CDKL5: variants seen among roughly 807,000 people sequenced by gnomAD.
CDKL5 encodes the protein cyclin dependent kinase like 5, also known as cyclin-dependent kinase-like 5.
Under a neutral mutation model 61.7 loss-of-function variants are expected in CDKL5, and 8 were observed. The ratio of observed to expected loss-of-function variants is 0.13; its 90% CI spans 0.08 to 0.23. CDKL5 has a LOEUF of 0.23. Ranked by LOEUF, CDKL5 falls within the 10% of genes least tolerant of loss-of-function variation. CDKL5 has a pLI of 1.00. For missense variants in CDKL5, 440 were observed against 734.5 expected (o/e 0.60, Z 4.63); for synonymous variants, 275 against 272.3 (o/e 1.01, Z -0.10).
chrX:18,555,217 C>T (rs1924555823), intron 3 of CDKL5, among the ~76,000 whole-genome samples: 1 of 110,610 alleles, frequency 9.0e-6, no homozygotes, highest in Non-Finnish European at 1.9e-5. Flanking sequence ...CAGTAGCGCC[C>T]CCAGCCTATG....
chrX:18,544,209 C>T (rs1463350671), intron 3 of CDKL5, among the ~76,000 whole-genome samples: 2 of 111,873 alleles, frequency 1.8e-5, no homozygotes, highest in Non-Finnish European at 3.8e-5. Flanking sequence ...AGCTCTACTG[C>T]CTTTGTGAGT....
intron 1 of CDKL5, among the ~76,000 whole-genome samples, chrX:18,432,016 C>T (rs1288546349): frequency 9.1e-6 from 1 of 110,039 alleles, no homozygotes; most frequent in Non-Finnish European, 1.9e-5. Flanking sequence ...TCGAGCGATC[C>T]TCCCACCTCA....
chrX:18,503,197 T>A (rs1465279715), intron 1 of CDKL5, among the ~76,000 whole-genome samples: 1 of 112,562 alleles, frequency 8.9e-6, no homozygotes, highest in Admixed American at 9.4e-5. Flanking sequence ...TTTTTGTTTT[T>A]CTTTGAGACA....
At chrX:18,588,953 G>A (rs1054308863) in intron 9 of CDKL5, 2 of 109,290 alleles carry the variant, frequency 1.8e-5, no homozygotes, top group African/African-American at 6.6e-5. Flanking sequence ...AACAACTAGT[G>A]TATTGTCTTG....
intron 1 of CDKL5, among the ~76,000 whole-genome samples, chrX:18,486,038 A>T (rs990235634): frequency 2.7e-5 from 3 of 111,781 alleles, no homozygotes; most frequent in African/African-American, 9.7e-5. Context: ...AGCAGAACCT[A>T]GACTTCTTAG....
At chrX:18,472,473 G>C (rs759458655) in intron 1 of CDKL5, among the ~76,000 whole-genome samples, 73 of 111,706 alleles carry the variant, frequency 6.5e-4, no homozygotes, top group African/African-American at 2.3e-3. Context: ...CATAGTCTTT[G>C]GTGGATTTAG....
chrX:18,578,469 C>T (rs546295756), intron 5 of CDKL5, among the ~76,000 whole-genome samples: 1 of 111,836 alleles, frequency 8.9e-6, no homozygotes, highest in South Asian at 3.7e-4. Context: ...CTTATGGCCC[C>T]TTCACACTCT....
At chrX:18,611,548 G>A (rs1926554111) in intron 14 of CDKL5, among the ~76,000 whole-genome samples, 1 of 110,453 alleles carries the variant, frequency 9.1e-6, no homozygotes, top group Admixed American at 9.7e-5. Flanking sequence ...TATCACCAAA[G>A]CATTACCTCC....
intron 20 of CDKL5, among the ~76,000 whole-genome samples, chrX:18,649,412 C>A (rs1298776524): frequency 9.0e-6 from 1 of 111,411 alleles, no homozygotes; most frequent in Non-Finnish European, 1.9e-5. Flanking sequence ...ATAGTATTTT[C>A]TCCAGAATTT....
At chrX:18,436,305 G>A in intron 1 of CDKL5, among the ~76,000 whole-genome samples, 1 of 109,968 alleles carries the variant, frequency 9.1e-6, no homozygotes, top group Non-Finnish European at 1.9e-5. Context: ...TGGAAGGGGA[G>A]GCAGGAGAGG....
chrX:18,454,097 G>C (rs1413409559), intron 1 of CDKL5, among the ~76,000 whole-genome samples: 1 of 111,707 alleles, frequency 9.0e-6, no homozygotes, highest in Non-Finnish European at 1.9e-5. Flanking sequence ...AGTGTTAGCA[G>C]GGTGTTCTTG....
intron 3 of CDKL5, among the ~76,000 whole-genome samples, chrX:18,518,422 T>TTTTTTTTTTTTTTTTTTTTC: frequency 1.2e-5 from 1 of 84,831 alleles, no homozygotes. Context: ...TTTTTTTTTT[T>TTTTTTTTTTTTTTTTTTTTC]TGTGACAGAG....
chrX:18,584,493 A>G (rs1381418380), intron 8 of CDKL5, 140 bp downstream of exon 8: 1 of 489,352 alleles, frequency 2.0e-6, no homozygotes, highest in Non-Finnish European at 3.6e-6. Flanking sequence ...CAAACTACCT[A>G]AAACTTAATG....
intron 1 of CDKL5, among the ~76,000 whole-genome samples, chrX:18,502,395 T>C (rs1922419630): frequency 8.9e-6 from 1 of 111,869 alleles, no homozygotes; most frequent in Non-Finnish European, 1.9e-5. Context: ...CCTTAAAAAA[T>C]TTTTGATTCC....
rs548003382 is a variant in CDKL5 at position 18,456,052 on chromosome X, CT to C, written c.-163+30370del. 1.6e-3 allele frequency among the ~76,000 whole-genome samples: 165 copies of C among 102,244 alleles called. No individual in the cohort carries two copies. The South Asian group carries it at 0.016, about 10-fold the overall frequency. 88.8% of individuals were successfully genotyped at this position (102,244 alleles called of 115,157 possible). Reference sequence around the variant, plus strand: ...ACCCAATCTTTTTCTTTCTTTCTTTCTTTTTTTTTTTTTGAGACGGAGTTTT... The same window carrying C: ...ACCCAATCTTTTTCTTTCTTTCTTTCTTTTTTTTTTTTGAGACGGAGTTTT... On this transcript the variant is annotated intron_variant, in intron 1 of 17. Coordinates refer to ENST00000623535, the MANE Select transcript of CDKL5 (RefSeq NM_001323289.2).
At chrX:18,522,139 C>T (rs2040903342) in intron 3 of CDKL5, among the ~76,000 whole-genome samples, 1 of 110,260 alleles carries the variant, frequency 9.1e-6, no homozygotes, top group Non-Finnish European at 1.9e-5. Flanking sequence ...GTAGTACTGT[C>T]ATCCTAACTA....
chrX:18,577,772 C>G (rs1925348089), intron 5 of CDKL5, among the ~76,000 whole-genome samples: 1 of 111,858 alleles, frequency 8.9e-6, no homozygotes, highest in African/African-American at 3.3e-5. Context: ...ATATGTCTGC[C>G]ACTGAGGAAT....
At chrX:18,530,349 A>G (rs1923599821) in intron 3 of CDKL5, among the ~76,000 whole-genome samples, 1 of 109,703 alleles carries the variant, frequency 9.1e-6, no homozygotes. Context: ...AAAAAAAAAA[A>G]AAAGAAAAAA....
intron 1 of CDKL5, among the ~76,000 whole-genome samples, chrX:18,450,681 TCTC>T (rs1031267589): frequency 2.4e-4 from 27 of 110,817 alleles, no homozygotes; most frequent in South Asian, 3.8e-4. Context: ...TTCAAGCAAT[TCTC>T]CTGCCTCAGC....
Sources: allele counts gnomAD v4.1 joint callset (sites outside exome capture counted in the v4.1 genomes callset), GRCh38; gene constraint gnomAD v4.1.1; transcripts MANE v1.5; gene names NCBI Gene and HGNC (gene_info 2026-07-23, HGNC 2026-07-21).